Variants in RCAN3 observed in about 807,000 individuals in gnomAD.
RCAN3 encodes the protein regulator of calcineurin 3, also known as calcipressin-3.
In RCAN3, 19 loss-of-function variants were observed where a neutral mutation model predicts 21.9. That is an observed-to-expected ratio of 0.87 (90% CI 0.61 to 1.27). The LOEUF (loss-of-function observed/expected upper bound fraction) is 1.27. RCAN3 is among the 50% of genes most tolerant of loss of function. RCAN3 has a pLI of 0.00. For synonymous variants in RCAN3, 114 were observed against 112.3 expected, an observed-to-expected ratio of 1.01 and a Z score of -0.09; for missense variants, 240 against 300.1, an observed-to-expected ratio of 0.80 and a Z score of 1.48.
rs1650428646 is a variant in RCAN3, at chr1:24,540,236, A to G, written c.*4959A>G. Reference sequence around the variant, plus strand: ...ATAAAAATCATCACGTTCAAAGTAGAGTTTTTAGCCAAGGTCAAGAACTAA... The same window carrying G: ...ATAAAAATCATCACGTTCAAAGTAGGGTTTTTAGCCAAGGTCAAGAACTAA... On this transcript the variant is annotated 3_prime_UTR_variant, in exon 5 of 5. Transcript: ENST00000374395. The G allele has an allele frequency of 1.3e-5, 2 of 152,472 alleles. No individual in the cohort carries two copies. The highest frequency in any genetic ancestry group is 1.3e-4 in the Admixed American group (2 of 15,280). 9.4% of individuals were successfully genotyped at this position (152,472 alleles called of 1,614,324 possible).
Position 24,508,903 on chromosome 1 carries a change from A to C in RCAN3, c.-59-5411A>C, listed in dbSNP as rs184108194. On this transcript the variant is annotated intron_variant, in intron 1 of 4. Coordinates refer to ENST00000374395, the MANE Select transcript of RCAN3 (RefSeq NM_013441.4). ...TCGGTTGGTGTGGTGGCTCACACCT[A>C]TAGTCCCAGTACTTTAGGAGGCTGA... Among the ~76,000 whole-genome samples, 482 of 152,334 alleles carry C rather than the reference A, an allele frequency of 3.2e-3. 2 individuals carry two copies. The highest frequency in any genetic ancestry group is 4.6e-3 in the Non-Finnish European group (312 of 68,028).
intron 2 of RCAN3, among the ~76,000 whole-genome samples, chr1:24,523,285 G>A (rs886239536): frequency 1.6e-4 from 24 of 152,040 alleles, no homozygotes; most frequent in Non-Finnish European, 2.8e-4. Flanking sequence ...GGCTGGTCTC[G>A]AACTCCTGAC....
At chr1:24,523,603 T>TAC (rs71577716) in intron 2 of RCAN3, among the ~76,000 whole-genome samples, 5,238 of 140,756 alleles carry the variant, frequency 0.037, 121 homozygotes, top group Middle Eastern at 0.11. Context: ...TTATTTCTAA[T>TAC]ACACACACAC....
chr1:24,527,008 ATATC>A (rs1345990289), intron 2 of RCAN3, among the ~76,000 whole-genome samples: 1 of 152,136 alleles, frequency 6.6e-6, no homozygotes, highest in Non-Finnish European at 1.5e-5. Context: ...AATCCTTACT[ATATC>A]TATATAATAT....
rs982418193 is a variant in RCAN3, at chr1:24,533,129, C to G, written c.416C>G (p.Pro139Arg). 2 of 1,581,212 alleles carry G rather than the reference C, an allele frequency of 1.3e-6. No homozygotes were observed. The highest frequency in any genetic ancestry group is 1.4e-5 in the African/African-American group (1 of 73,382). ...EVRDKSYLLP[P>R]QPVKQFLISP... ...CGGGACAAGTCCTATCTCCTGCCGC[C>G]CCAGCCTGTCAAGCAGTTCCTCATC... The change falls in exon 4 of 5, where the codon CCC becomes CGC. Residue 139 changes from proline (P) to arginine (R), a missense_variant. Pro to Arg is a moderately radical substitution (Grantham distance 103). Transcript: ENST00000374395.
intron 1 of RCAN3, among the ~76,000 whole-genome samples, chr1:24,512,203 C>G (rs1200051779): frequency 6.6e-6 from 1 of 151,808 alleles, no homozygotes; most frequent in Non-Finnish European, 1.5e-5. Context: ...ACAAAAATTA[C>G]CCGGGCATGG....
At chr1:24,534,932 A>G (rs144309446) in intron 4 of RCAN3, among the ~76,000 whole-genome samples, 161 bp from the exon 5 acceptor site, 15 of 152,380 alleles carry the variant, frequency 9.8e-5, no homozygotes, top group African/African-American at 3.6e-4. Context: ...TCAAATCTTT[A>G]ACACCAAAAC....
At chr1:24,534,520 T>C (rs996398678) in intron 4 of RCAN3, among the ~76,000 whole-genome samples, 2 of 151,606 alleles carry the variant, frequency 1.3e-5, no homozygotes, top group Non-Finnish European at 2.9e-5. Flanking sequence ...GGCAGGAGAA[T>C]GGCGTGAACC....
intron 2 of RCAN3, among the ~76,000 whole-genome samples, chr1:24,515,187 A>G (rs1648204683): frequency 6.6e-6 from 1 of 152,152 alleles, no homozygotes; most frequent in African/African-American, 2.4e-5. Flanking sequence ...CGGAGACTAC[A>G]ATTAAAGAAA....
rs1026020369 is a variant in RCAN3, at chr1:24,538,237, G to A, written c.*2960G>A. ...GGATAGCAACAGTTCCATTGCCTTC[G>A]AGAACTAAAACTCAGCTGGAAAGCA... On this transcript the variant is annotated 3_prime_UTR_variant, in exon 5 of 5. Transcript: ENST00000374395. 4 of 152,198 alleles carry A rather than the reference G, an allele frequency of 2.6e-5. No individual in the cohort carries two copies. Among genetic ancestry groups the A allele is most frequent in the East Asian group, 1.9e-4 (1 of 5,182 alleles). The allele number at this position is 152,198 out of a possible 1,614,324, so 9.4% of individuals were successfully genotyped here.
intron 2 of RCAN3, among the ~76,000 whole-genome samples, chr1:24,524,739 C>T (rs561836457): frequency 6.6e-6 from 1 of 151,836 alleles, no homozygotes; most frequent in Non-Finnish European, 1.5e-5. Flanking sequence ...CCTTAGGATG[C>T]TAAAGATAAT....
chr1:24,508,545 G>A (rs1437981277), intron 1 of RCAN3, among the ~76,000 whole-genome samples: 1 of 152,204 alleles, frequency 6.6e-6, no homozygotes, highest in Non-Finnish European at 1.5e-5. Flanking sequence ...AAAAGATAGA[G>A]CTGGTGAGGA....
At chr1:24,524,904 T>C (rs1294942958) in intron 2 of RCAN3, among the ~76,000 whole-genome samples, 1 of 148,020 alleles carries the variant, frequency 6.8e-6, no homozygotes, top group Non-Finnish European at 1.5e-5. Context: ...ATCACAGCTC[T>C]CTGCAACCTC....
In RCAN3 at chr1:24,538,287, C is replaced by T. The variant is rs376864334; in HGVS notation, c.*3010C>T. The T allele has an allele frequency of 3.0e-4, 45 of 152,306 alleles. No homozygotes were observed. The highest frequency in any genetic ancestry group is 1.0e-3 in the African/African-American group (42 of 41,560). The allele number at this position is 152,306 out of a possible 1,614,324, so 9.4% of individuals were successfully genotyped here. A position where few individuals can be genotyped will look rare whatever the true frequency, so the allele number is the denominator to read the frequency against. Reference sequence around the variant, plus strand: ...AAATTAGTCTTTTCACATTCTGCTTCTTCAAAATGTTGTACTCAAAAACAT... The same window carrying T: ...AAATTAGTCTTTTCACATTCTGCTTTTTCAAAATGTTGTACTCAAAAACAT... On this transcript the variant is annotated 3_prime_UTR_variant, in exon 5 of 5. Coordinates refer to ENST00000374395, the MANE Select transcript of RCAN3 (RefSeq NM_013441.4).
chr1:24,515,186 C>G (rs1037350216), intron 2 of RCAN3, among the ~76,000 whole-genome samples: 2 of 152,100 alleles, frequency 1.3e-5, no homozygotes, highest in African/African-American at 4.8e-5. Flanking sequence ...TCGGAGACTA[C>G]AATTAAAGAA....
upstream of RCAN3, among the ~76,000 whole-genome samples, chr1:24,502,676 C>G (rs1021220704): frequency 2.1e-4 from 32 of 151,686 alleles, no homozygotes; most frequent in Admixed American, 1.3e-4. Flanking sequence ...CAGCCCAAGC[C>G]CCCCACAGGC....
In RCAN3 at chr1:24,527,545, T is replaced by G. The variant is rs942474073; in HGVS notation, c.196-3673T>G. Among the ~76,000 whole-genome samples, 4 of 152,230 alleles carry G rather than the reference T, an allele frequency of 2.6e-5. No individual in the cohort carries two copies. In the South Asian group the frequency reaches 8.3e-4, roughly 31 times the overall value. On this transcript the variant is annotated intron_variant, in intron 2 of 4. Coordinates refer to ENST00000374395, the MANE Select transcript of RCAN3 (RefSeq NM_013441.4). ...AATAAATATTGGTGCACAAATTATT[T>G]TATATTTTATCTAGTTGGAGAAATG...
At chr1:24,510,987 A>G (rs1323644381) in intron 1 of RCAN3, among the ~76,000 whole-genome samples, 1 of 152,188 alleles carries the variant, frequency 6.6e-6, no homozygotes, top group Non-Finnish European at 1.5e-5. Context: ...GGCCTCACTC[A>G]GTAAAGCAGT....
rs925265146 is a variant in RCAN3, at chr1:24,540,285, A to C, written c.*5008A>C. 6.6e-6 allele frequency: 1 copy of C among 152,566 alleles called. No individual in the cohort carries two copies. Among genetic ancestry groups the C allele is most frequent in the Non-Finnish European group, 1.5e-5 (1 of 68,034 alleles). 9.5% of individuals were successfully genotyped at this position (152,566 alleles called of 1,614,324 possible). On this transcript the variant is annotated 3_prime_UTR_variant, in exon 5 of 5. Coordinates refer to ENST00000374395, the MANE Select transcript of RCAN3 (RefSeq NM_013441.4). The stretch of plus-strand genomic sequence containing the variant: ...AACCTGGGGCTGAGTCAGCGTCTCT[A>C]CCCACTTAAATAACAGCGTAAAGAT...
Sources: allele counts gnomAD v4.1 joint callset (sites outside exome capture counted in the v4.1 genomes callset), GRCh38; gene constraint gnomAD v4.1.1; transcripts MANE v1.5; gene names NCBI Gene and HGNC (gene_info 2026-07-23, HGNC 2026-07-21).